The following WWC2 variants were observed in gnomAD, a reference collection of about 807,000 sequenced individuals.
WWC2 encodes the protein protein WWC2.
A neutral mutation model predicts 138.5 loss-of-function variants in WWC2; 101 were observed. That is an observed-to-expected ratio of 0.73 (90% CI 0.62 to 0.86). The LOEUF is 0.86. Ranked by LOEUF, WWC2 falls within the 40% of genes least tolerant of loss-of-function variation. WWC2 has a pLI of 0.00. For missense variants in WWC2, 1,420 were observed against 1,419.4 expected (o/e 1.00, Z -0.01); for synonymous variants, 558 against 538.4 (o/e 1.04, Z -0.50).
In WWC2 at chr4:183,269,366, T is replaced by C; in HGVS notation, c.2400+203T>C. ...ATTCCAGACCTTTAAAATCTGCTTA[T>C]AAATTGTGATTTTCTGTAAAAGTTG... On this transcript the variant is annotated intron_variant, in intron 15 of 22. Coordinates refer to ENST00000403733, the MANE Select transcript of WWC2 (RefSeq NM_024949.6). The C allele has an allele frequency of 3.5e-5, 25 of 720,470 alleles. No individual in the cohort carries two copies. In the South Asian group the frequency reaches 3.6e-4, roughly 10 times the overall value. 44.6% of individuals were successfully genotyped at this position (720,470 alleles called of 1,614,324 possible).
At chr4:183,203,536 A>G (rs896029666) in intron 2 of WWC2, 1 of 152,042 alleles carries the variant, frequency 6.6e-6, no homozygotes, top group African/African-American at 2.4e-5. Context: ...GGGCTGACTA[A>G]TGTACACTCT....
At position 183,320,165 on chromosome 4, in the gene WWC2, C is replaced by A; in HGVS notation, c.*4436C>A. 6.8e-6 allele frequency: 11 copies of A among 1,614,138 alleles called. No individual in the cohort carries two copies. The highest frequency in any genetic ancestry group is 9.3e-6 in the Non-Finnish European group (11 of 1,180,012). On this transcript the variant is annotated 3_prime_UTR_variant, in exon 23 of 23. Transcript: ENST00000403733. ...TAAGACAGGATAAAACCCATCCCAG[C>A]AAAGATAATGAAACTCCAGCTAGTT...
chr4:183,243,874 C>T (rs1218733058), intron 5 of WWC2, among the ~76,000 whole-genome samples: 1 of 150,904 alleles, frequency 6.6e-6, no homozygotes, highest in Non-Finnish European at 1.5e-5. Context: ...TTCTTAGGTT[C>T]TTGAAGTCTT....
At chr4:183,231,843 T>G (rs1329137992) in intron 4 of WWC2, among the ~76,000 whole-genome samples, 1 of 152,072 alleles carries the variant, frequency 6.6e-6, no homozygotes, top group Admixed American at 6.5e-5. Flanking sequence ...TCTGAATAGG[T>G]GTTCAGAAGA....
chr4:183,161,784 C>T (rs145590335), intron 1 of WWC2, among the ~76,000 whole-genome samples: 4 of 152,270 alleles, frequency 2.6e-5, no homozygotes, highest in East Asian at 1.9e-4. Context: ...GTAGGCTACA[C>T]CTCCAGGTTT....
intron 2 of WWC2, among the ~76,000 whole-genome samples, chr4:183,201,239 A>C (rs1491002713): frequency 1.3e-5 from 2 of 149,894 alleles, no homozygotes; most frequent in Non-Finnish European, 3.0e-5. Flanking sequence ...CATCCTGTAC[A>C]TCTCTTGTTT....
intron 21 of WWC2, among the ~76,000 whole-genome samples, chr4:183,307,883 G>A (rs1739075168): frequency 6.6e-6 from 1 of 152,104 alleles, no homozygotes; most frequent in Admixed American, 6.5e-5. Flanking sequence ...AGAAAAAAAG[G>A]TATCCCGCTT....
chr4:183,312,476 GC>G lies in WWC2; in HGVS notation c.3512+12del, dbSNP rs1373406812. 3 of 1,613,162 alleles carry G rather than the reference GC, an allele frequency of 1.9e-6. No individual in the cohort carries two copies. Among genetic ancestry groups the G allele is most frequent in the African/African-American group, 1.3e-5 (1 of 75,036 alleles). On this transcript the variant is annotated intron_variant, in intron 22 of 22. Transcript: ENST00000403733. ...GCAGGTGCAGTCCTTCAGGTGAATAGCCCCATCCAGGACAGCTTTTGGGTTG... is the reference window on the plus strand; with the variant it reads ...GCAGGTGCAGTCCTTCAGGTGAATAGCCCATCCAGGACAGCTTTTGGGTTG...
chr4:183,173,737 C>T (rs1734363505), intron 1 of WWC2, among the ~76,000 whole-genome samples: 1 of 152,090 alleles, frequency 6.6e-6, no homozygotes, highest in South Asian at 2.1e-4. Flanking sequence ...GGGCCAGCTG[C>T]CCGGGGATTC....
At chr4:183,195,419 TA>T (rs1484752662) in intron 2 of WWC2, among the ~76,000 whole-genome samples, 3 of 152,224 alleles carry the variant, frequency 2.0e-5, no homozygotes. Flanking sequence ...CTTTGGTATC[TA>T]AACCCACCTT....
In WWC2 at chr4:183,288,151, G is replaced by T. The variant is rs186107263; in HGVS notation, c.3142-1242G>T. On this transcript the variant is annotated intron_variant, in intron 20 of 22. Coordinates refer to ENST00000403733, the MANE Select transcript of WWC2 (RefSeq NM_024949.6). ...AGGTTGAATAAAGGGAACCTAATAA[G>T]AAGAATGTTACAGAAGACCATGCAG... Among the ~76,000 whole-genome samples, 683 of 152,282 alleles carry T rather than the reference G, an allele frequency of 4.5e-3. 4 individuals carry two copies. The highest frequency in any genetic ancestry group is 0.016 in the African/African-American group (654 of 41,544).
At chr4:183,140,117 ATTTG>A (rs1241363047) in intron 1 of WWC2, among the ~76,000 whole-genome samples, 1 of 152,154 alleles carries the variant, frequency 6.6e-6, no homozygotes, top group Non-Finnish European at 1.5e-5. Context: ...CAGCCTGGGA[ATTTG>A]TTTTGTTTAC....
intron 1 of WWC2, among the ~76,000 whole-genome samples, chr4:183,102,848 C>G (rs1743223016): frequency 6.8e-6 from 1 of 146,900 alleles, no homozygotes; most frequent in African/African-American, 2.5e-5. Flanking sequence ...GGCCATAGGT[C>G]TTGGCCAAAT....
chr4:183,235,603 A>G (rs1007066374), intron 4 of WWC2, among the ~76,000 whole-genome samples: 3 of 152,190 alleles, frequency 2.0e-5, no homozygotes, highest in Admixed American at 6.5e-5. Context: ...CTCTGTGACC[A>G]TCTTGTTTCA....
intron 8 of WWC2, among the ~76,000 whole-genome samples, chr4:183,253,361 G>GT (rs1737035866): frequency 6.6e-6 from 1 of 152,092 alleles, no homozygotes; most frequent in South Asian, 2.1e-4. Flanking sequence ...ATTCACCTCA[G>GT]TTTTTTTAAA....
At chr4:183,173,263 G>C (rs957674666) in intron 1 of WWC2, among the ~76,000 whole-genome samples, 1 of 152,024 alleles carries the variant, frequency 6.6e-6, no homozygotes, top group Non-Finnish European at 1.5e-5. Flanking sequence ...TGTTGCCCAG[G>C]CTGGTCTCAA....
chr4:183,194,362 G>A (rs1336766793), intron 2 of WWC2, among the ~76,000 whole-genome samples: 1 of 152,162 alleles, frequency 6.6e-6, no homozygotes, highest in Non-Finnish European at 1.5e-5. Flanking sequence ...GTATGTTTGT[G>A]TGTGTGTGTT....
At chr4:183,125,795 C>G (rs1051873236) in intron 1 of WWC2, among the ~76,000 whole-genome samples, 42 of 152,198 alleles carry the variant, frequency 2.8e-4, no homozygotes, top group African/African-American at 9.6e-4. Flanking sequence ...TCCCATGTTC[C>G]TCTCTCCATG....
At chr4:183,150,173 C>G (rs1199481887) in intron 1 of WWC2, among the ~76,000 whole-genome samples, 4 of 152,198 alleles carry the variant, frequency 2.6e-5, no homozygotes, top group African/African-American at 9.7e-5. Context: ...GAAGAATGGA[C>G]TCTGTACCTG....
Sources: allele counts gnomAD v4.1 joint callset (sites outside exome capture counted in the v4.1 genomes callset), GRCh38; gene constraint gnomAD v4.1.1; transcripts MANE v1.5; gene names NCBI Gene and HGNC (gene_info 2026-07-23, HGNC 2026-07-21).